The following KALRN variants were observed in gnomAD, a reference collection of about 807,000 sequenced individuals.
KALRN encodes kalirin RhoGEF kinase, also known as kalirin.
A neutral mutation model predicts 353.7 loss-of-function variants in KALRN; 70 were observed. The observed-to-expected ratio is 0.20, with a 90% confidence interval of 0.16 to 0.24. KALRN has a LOEUF of 0.24. Ranked by LOEUF, KALRN falls within the 10% of genes least tolerant of loss-of-function variation. The pLI, the probability that KALRN is intolerant of heterozygous loss-of-function variation, is 1.00. For synonymous variants in KALRN, 1,391 were observed against 1,434.8 expected, an observed-to-expected ratio of 0.97 and a Z score of 0.69; for missense variants, 2,791 against 3,756.7, an observed-to-expected ratio of 0.74 and a Z score of 6.72.
intron 3 of KALRN, among the ~76,000 whole-genome samples, chr3:124,236,468 C>A (rs1011398719): frequency 2.6e-5 from 4 of 152,148 alleles, no homozygotes; most frequent in African/African-American, 9.7e-5. Flanking sequence ...CAGGAATTTT[C>A]TGAAGCAATT....
intron 33 of KALRN, among the ~76,000 whole-genome samples, chr3:124,516,544 A>G (rs1296290069): frequency 1.3e-5 from 2 of 151,864 alleles, no homozygotes; most frequent in African/African-American, 4.8e-5. Flanking sequence ...AATTTTAACA[A>G]CCGTATAAAG....
intron 5 of KALRN, among the ~76,000 whole-genome samples, chr3:124,283,558 A>T (rs2075551602): frequency 6.6e-6 from 1 of 152,136 alleles, no homozygotes; most frequent in Non-Finnish European, 1.5e-5. Context: ...TGGCTCCTGG[A>T]TGACCATTCC....
At chr3:124,698,926 G>A (rs1179996452) in intron 55 of KALRN, among the ~76,000 whole-genome samples, 1 of 152,070 alleles carries the variant, frequency 6.6e-6, no homozygotes, top group East Asian at 1.9e-4. Context: ...AGCTCTAATT[G>A]TTAATAACAC....
intron 19 of KALRN, among the ~76,000 whole-genome samples, chr3:124,445,081 G>C (rs575631609): frequency 1.3e-5 from 2 of 152,250 alleles, no homozygotes; most frequent in East Asian, 3.9e-4. Context: ...TCTGAAGTCA[G>C]ATTTGGCCCG....
At chr3:124,363,800 A>G (rs760204066) in intron 10 of KALRN, among the ~76,000 whole-genome samples, 6 of 152,234 alleles carry the variant, frequency 3.9e-5, no homozygotes, top group African/African-American at 7.2e-5. Context: ...TTCTAAAGCT[A>G]AAGCTAATGA....
chr3:124,389,614 A>G (rs2089006061), intron 11 of KALRN, among the ~76,000 whole-genome samples: 1 of 152,220 alleles, frequency 6.6e-6, no homozygotes, highest in African/African-American at 2.4e-5. Context: ...CGTTAAACAA[A>G]TCATAATGCA....
intron 1 of KALRN, among the ~76,000 whole-genome samples, chr3:124,037,396 G>T (rs1351205071): frequency 6.6e-6 from 1 of 152,200 alleles, no homozygotes; most frequent in Non-Finnish European, 1.5e-5. Context: ...GGCTGACATA[G>T]AGGAAGATGT....
chr3:124,254,165 T>C (rs1006364623), intron 3 of KALRN, among the ~76,000 whole-genome samples: 1 of 152,152 alleles, frequency 6.6e-6, no homozygotes, highest in Non-Finnish European at 1.5e-5. Flanking sequence ...AGCCAGATTA[T>C]TTGATGTTTG....
At chr3:124,218,020 G>A (rs1033380359) in intron 1 of KALRN, among the ~76,000 whole-genome samples, 14 of 152,220 alleles carry the variant, frequency 9.2e-5, no homozygotes, top group Non-Finnish European at 1.8e-4. Context: ...AGAAACTCTA[G>A]GCTTGGGTGA....
chr3:124,244,411 A>G (rs375619294), intron 3 of KALRN, among the ~76,000 whole-genome samples: 1 of 151,974 alleles, frequency 6.6e-6, no homozygotes, highest in South Asian at 2.1e-4. Context: ...TAATTTTTGT[A>G]TTTTTAGTAG....
intron 36 of KALRN, among the ~76,000 whole-genome samples, chr3:124,635,202 C>G (rs1035524411): frequency 1.3e-5 from 2 of 152,152 alleles, no homozygotes; most frequent in Non-Finnish European, 2.9e-5. Flanking sequence ...GTTCCTGAGA[C>G]AGAAGTGCTG....
chr3:124,455,655 T>TATCTATAAA (rs1404904607), intron 22 of KALRN, among the ~76,000 whole-genome samples: 1 of 152,196 alleles, frequency 6.6e-6, no homozygotes, highest in African/African-American at 2.4e-5. Context: ...CTGTTGACTT[T>TATCTATAAA]GAGAACCAAA....
At chr3:124,152,594 T>C (rs2068305732) in intron 1 of KALRN, 1 of 32,806 alleles carries the variant, frequency 3.0e-5, no homozygotes, top group East Asian at 6.8e-4. Context: ...TCTTTCTTTC[T>C]TTTTTTTTTT....
rs768962563 is a variant in KALRN, at chr3:124,719,209, C to G, written c.8700C>G (p.Pro2900=). Residue 2900 remains proline (P), a synonymous_variant, in exon 60 of 60, where the codon CCC becomes CCG. Coordinates refer to ENST00000682506, the MANE Select transcript of KALRN (RefSeq NM_001388419.1). This position sits in a 1 kb window ranked among gnomAD's most constrained non-coding sequence, Gnocchi z 5.3. ...INVCRVDFSF[P]HEYFCGVSNA... is the part of the protein sequence containing the mutation. ...TATGCAGGGTGGATTTCAGCTTCCCCCATGAATACTTCTGTGGTGTGAGCA... is the reference window on the plus strand; with the variant it reads ...TATGCAGGGTGGATTTCAGCTTCCCGCATGAATACTTCTGTGGTGTGAGCA... 8 of 1,614,106 alleles carry G rather than the reference C, an allele frequency of 5.0e-6. No homozygotes were observed. The highest frequency in any genetic ancestry group is 6.8e-6 in the Non-Finnish European group (8 of 1,180,048).
intron 31 of KALRN, among the ~76,000 whole-genome samples, chr3:124,492,252 A>T (rs1447548263): frequency 2.0e-5 from 3 of 152,234 alleles, no homozygotes; most frequent in Non-Finnish European, 4.4e-5. Flanking sequence ...CCTTTAGTTA[A>T]CAGAGCTTGC....
intron 10 of KALRN, among the ~76,000 whole-genome samples, chr3:124,364,335 A>G (rs1046794867): frequency 6.6e-6 from 1 of 152,110 alleles, no homozygotes; most frequent in Non-Finnish European, 1.5e-5. Context: ...GAATGATGGG[A>G]TGGGAGCCTG....
chr3:124,153,890 G>A (rs1483422806), intron 1 of KALRN, among the ~76,000 whole-genome samples: 2 of 151,886 alleles, frequency 1.3e-5, no homozygotes, highest in African/African-American at 4.8e-5. Flanking sequence ...ATTTTTTCAT[G>A]TGTCTTTTGG....
intron 1 of KALRN, chr3:124,163,194 C>T (rs1403016042): frequency 6.6e-6 from 1 of 152,144 alleles, no homozygotes; most frequent in Non-Finnish European, 1.5e-5. Context: ...AGCATCAGCC[C>T]CAGGGTCCAG....
chr3:124,657,589 G>A, intron 40 of KALRN, 38 bp downstream of exon 40: 2 of 1,538,312 alleles, frequency 1.3e-6, no homozygotes, highest in Middle Eastern at 1.7e-4. Context: ...CAGTGTCCTG[G>A]GAATCCAGGA....
Sources: gnomAD v4.1 joint callset for allele counts (sites outside exome capture counted in the v4.1 genomes callset) on GRCh38, gnomAD v4.1.1 for gene constraint, Gnocchi (gnomAD v3.1) non-coding constraint, MANE v1.5 for transcripts, NCBI Gene and HGNC (gene_info 2026-07-23, HGNC 2026-07-21) for gene names.